RAB8B: variants seen among roughly 807,000 people sequenced by gnomAD.
The protein encoded by RAB8B is RAB8B, member RAS oncogene family.
A neutral mutation model predicts 32.0 loss-of-function variants in RAB8B; 11 were observed. The observed-to-expected ratio is 0.34, with a 90% CI of 0.22 to 0.57. RAB8B has a LOEUF of 0.57. Among genes scored for constraint, RAB8B ranks in the 20% least tolerant of loss-of-function variants. The pLI is 0.86. For synonymous variants in RAB8B, 103 were observed against 89.6 expected, an observed-to-expected ratio of 1.15 and a Z score of -0.85; for missense variants, 190 against 258.5, an observed-to-expected ratio of 0.73 and a Z score of 1.82.
intron 6 of RAB8B, among the ~76,000 whole-genome samples, chr15:63,261,926 G>A (rs572250750): frequency 6.6e-6 from 1 of 152,264 alleles, no homozygotes; most frequent in South Asian, 2.1e-4. Context: ...AAATTATCAC[G>A]AAGATTAATC....
In RAB8B at chr15:63,266,907, CT is replaced by C. The variant is rs2038253491; in HGVS notation, c.*3291del. On this transcript the variant is annotated 3_prime_UTR_variant, in exon 8 of 8. Transcript: ENST00000321437. Reference sequence around the variant, plus strand: ...CTTTTCAAGTTCATGACTTAGATTCCTTTACAAATTTAGTTCTCAATCTTTA... The same window carrying C: ...CTTTTCAAGTTCATGACTTAGATTCCTTACAAATTTAGTTCTCAATCTTTA... 6.6e-6 allele frequency: 1 copy of C among 152,556 alleles called. No individual in the cohort carries two copies. Among genetic ancestry groups the C allele is most frequent in the African/African-American group, 2.4e-5 (1 of 41,442 alleles). The allele number at this position is 152,556 out of a possible 1,614,324, so 9.5% of individuals were successfully genotyped here.
chr15:63,253,753 A>G (rs1444927764), intron 3 of RAB8B, among the ~76,000 whole-genome samples: 4 of 152,234 alleles, frequency 2.6e-5, no homozygotes, highest in African/African-American at 4.8e-5. Flanking sequence ...GAGAATCTGA[A>G]TAAGGCCATG....
intron 2 of RAB8B, among the ~76,000 whole-genome samples, chr15:63,249,280 C>G (rs2038095649): frequency 6.6e-6 from 1 of 151,958 alleles, no homozygotes; most frequent in East Asian, 1.9e-4. Flanking sequence ...TAAGCACTTA[C>G]AAAAAGGATT....
rs377565578 is a variant in RAB8B, at chr15:63,247,965, C to A, written c.186-1680C>A. Among the ~76,000 whole-genome samples the A allele has an allele frequency of 2.1e-4, 32 of 152,302 alleles. No individual in the cohort carries two copies. In the East Asian group the frequency reaches 5.0e-3, roughly 24 times the overall value. ...GCCCTTTCCATCCATTGGTATTGAA[C>A]AAGATGCCAAATATTTTACAGATTT... On this transcript the variant is annotated intron_variant, in intron 2 of 7. Coordinates refer to ENST00000321437, the MANE Select transcript of RAB8B (RefSeq NM_016530.3).
intron 1 of RAB8B, among the ~76,000 whole-genome samples, chr15:63,192,047 C>G (rs1179799022): frequency 2.6e-5 from 4 of 152,126 alleles, no homozygotes; most frequent in Non-Finnish European, 5.9e-5. Context: ...TCTCATGTGA[C>G]ATCTTGGTCT....
intron 1 of RAB8B, among the ~76,000 whole-genome samples, chr15:63,217,502 T>G (rs1489436253): frequency 6.6e-6 from 1 of 152,174 alleles, no homozygotes; most frequent in Non-Finnish European, 1.5e-5. Flanking sequence ...TAACTCCAGA[T>G]CCTTGACCAA....
intron 3 of RAB8B, among the ~76,000 whole-genome samples, chr15:63,250,041 C>G (rs944369503): frequency 1.3e-5 from 2 of 152,086 alleles, no homozygotes; most frequent in African/African-American, 4.8e-5. Context: ...GAGGCTGAGG[C>G]AGGAGAATGG....
Position 63,189,635 on chromosome 15 carries a change from C to G in RAB8B, c.11C>G (p.Thr4Arg). MAKTYDYLFKLLLI... is the reference protein window; with the variant it reads MAKRYDYLFKLLLI... ...GGCCGGAGCGAGAAGATGGCGAAGA[C>G]GTACGATTATCTCTTCAAGCTCCTG... The change falls in exon 1 of 8, where the codon ACG becomes AGG. Residue 4 changes from threonine (T) to arginine (R), a missense_variant. By Grantham distance (71) the Thr-to-Arg change is moderately conservative (BLOSUM62 -1). Coordinates refer to ENST00000321437, the MANE Select transcript of RAB8B (RefSeq NM_016530.3). The G allele has an allele frequency of 6.2e-7, 1 of 1,613,774 alleles. No homozygotes were observed. Among genetic ancestry groups the G allele is most frequent in the Non-Finnish European group, 8.5e-7 (1 of 1,179,826 alleles).
chr15:63,214,738 A>G (rs1021392167), intron 1 of RAB8B, among the ~76,000 whole-genome samples: 3 of 152,088 alleles, frequency 2.0e-5, no homozygotes, highest in Non-Finnish European at 4.4e-5. Context: ...CTCTTTTTTA[A>G]TGTAACCCTT....
intron 1 of RAB8B, among the ~76,000 whole-genome samples, chr15:63,193,263 C>T (rs2037573370): frequency 6.6e-6 from 1 of 152,028 alleles, no homozygotes; most frequent in African/African-American, 2.4e-5. Flanking sequence ...TAAGGTTTTG[C>T]TATCTTCTCT....
chr15:63,200,739 A>G (rs2037640799), intron 1 of RAB8B, among the ~76,000 whole-genome samples: 11 of 152,144 alleles, frequency 7.2e-5, no homozygotes, highest in Admixed American at 7.2e-4. Context: ...CATTTGACAG[A>G]TGGTGGGCCT....
chr15:63,246,206 C>G (rs2038070844), intron 2 of RAB8B, among the ~76,000 whole-genome samples: 1 of 152,134 alleles, frequency 6.6e-6, no homozygotes. Flanking sequence ...TGTTGTATGT[C>G]TACATTTTGA....
At chr15:63,254,039 G>C (rs1440768080) in intron 3 of RAB8B, among the ~76,000 whole-genome samples, 1 of 152,180 alleles carries the variant, frequency 6.6e-6, no homozygotes, top group Non-Finnish European at 1.5e-5. Flanking sequence ...TAGCCCTTCA[G>C]CCTCAGCTTG....
chr15:63,235,788 C>T (rs2037973703), intron 1 of RAB8B, among the ~76,000 whole-genome samples: 2 of 151,976 alleles, frequency 1.3e-5, no homozygotes, highest in Admixed American at 6.6e-5. Flanking sequence ...GTTCTTTTCA[C>T]TTACCATCAT....
intron 1 of RAB8B, among the ~76,000 whole-genome samples, chr15:63,235,248 A>G (rs1481338399): frequency 6.6e-6 from 1 of 152,012 alleles, no homozygotes; most frequent in Non-Finnish European, 1.5e-5. Flanking sequence ...CCAGGCATGG[A>G]TGGGGTGGGC....
intron 1 of RAB8B, among the ~76,000 whole-genome samples, chr15:63,216,317 C>T (rs190409279): frequency 4.1e-4 from 62 of 150,680 alleles, no homozygotes; most frequent in South Asian, 3.4e-3. Flanking sequence ...CAACCTCCGC[C>T]TCCTGGTTTC....
chr15:63,216,187 A>G (rs1009707217), intron 1 of RAB8B, among the ~76,000 whole-genome samples: 26 of 148,764 alleles, frequency 1.7e-4, no homozygotes, highest in Non-Finnish European at 4.4e-5. Context: ...AAATGTTTCA[A>G]TCCAACTTTT....
intron 1 of RAB8B, among the ~76,000 whole-genome samples, chr15:63,204,321 AG>A (rs1595734284): frequency 1.3e-5 from 2 of 152,156 alleles, no homozygotes; most frequent in Non-Finnish European, 2.9e-5. Context: ...GGGTGTAAGG[AG>A]GCATTGAAAA....
chr15:63,239,337 T>A (rs1374405877), intron 1 of RAB8B, among the ~76,000 whole-genome samples: 1 of 152,144 alleles, frequency 6.6e-6, no homozygotes, highest in African/African-American at 2.4e-5. Context: ...TAATGTGTCT[T>A]CATTTTCTTA....
Sources: gnomAD v4.1 joint callset for allele counts (sites outside exome capture counted in the v4.1 genomes callset) on GRCh38, gnomAD v4.1.1 for gene constraint, MANE v1.5 for transcripts, NCBI Gene and HGNC (gene_info 2026-07-23, HGNC 2026-07-21) for gene names.